Variants in ZNF814 observed in about 807,000 individuals in gnomAD.
ZNF814 encodes the protein zinc finger protein 814.
A neutral mutation model predicts 7.5 loss-of-function variants in ZNF814; 5 were observed. The observed-to-expected ratio is 0.67, with a 90% CI of 0.35 to 1.40. The LOEUF is 1.40. Ranked by LOEUF, ZNF814 falls within the 40% of genes most tolerant of loss-of-function variation. The pLI, the probability that ZNF814 is intolerant of heterozygous loss-of-function variation, is 0.04. For synonymous variants in ZNF814, 315 were observed against 340.7 expected (o/e 0.92, Z 0.83); for missense variants, 962 against 1,018.0 (o/e 0.94, Z 0.75).
chr19:57,878,771 T>TA (rs1394398846), intron 1 of ZNF814, among the ~76,000 whole-genome samples: 4 of 152,074 alleles, frequency 2.6e-5, no homozygotes, highest in Non-Finnish European at 4.4e-5. Context: ...ATATATTACT[T>TA]AAGAGTGTGA....
the ZNF814 span, among the ~76,000 whole-genome samples, chr19:57,894,835 GAAAAAAA>G: frequency 2.5e-5 from 3 of 121,272 alleles, no homozygotes; most frequent in East Asian, 7.3e-4. Flanking sequence ...CTCCGTCTCA[GAAAAAAA>G]AAAAAAAAAT....
Position 57,872,260 on chromosome 19 carries a change from A to G in ZNF814, c.*562T>C, listed in dbSNP as rs942640124. On this transcript the variant is annotated 3_prime_UTR_variant, in exon 3 of 3. Transcript: ENST00000435989. ...GAAAAAGAAATAACATTCCATATACATCTATGGTGTTTTTCTCATGTCAAT... is the reference window on the plus strand; with the variant it reads ...GAAAAAGAAATAACATTCCATATACGTCTATGGTGTTTTTCTCATGTCAAT... Among the ~76,000 whole-genome samples, 2 of 152,188 alleles carry G rather than the reference A, an allele frequency of 1.3e-5. No homozygotes were observed.
intron 1 of ZNF814, among the ~76,000 whole-genome samples, chr19:57,884,671 G>A (rs1165918240): frequency 6.6e-6 from 1 of 152,092 alleles, no homozygotes; most frequent in African/African-American, 2.4e-5. Flanking sequence ...TATAGGAAAA[G>A]GTGCTCAACA....
chr19:57,892,718 G>A (rs925493061), upstream of ZNF814, among the ~76,000 whole-genome samples: 2 of 152,220 alleles, frequency 1.3e-5, no homozygotes, highest in East Asian at 3.9e-4. Flanking sequence ...GCAGCCACCT[G>A]AACTTTTCAG....
chr19:57,900,882 C>T, the ZNF814 span, among the ~76,000 whole-genome samples: 1 of 57,964 alleles, frequency 1.7e-5, no homozygotes, highest in Admixed American at 3.0e-4. Context: ...GAGTCTTGCT[C>T]TGTCGCCCAG....
chr19:57,873,318 C>G lies in ZNF814; in HGVS notation c.2072G>C (p.Arg691Thr). Residue 691 changes from arginine (R) to threonine (T), a missense_variant, in exon 3 of 3, where the codon AGG becomes ACG. Physicochemically the swap from Arg to Thr is moderately conservative, Grantham distance 71. Around this residue, in one of 7 missense-constraint regions of ZNF814, gnomAD observed 665 missense variants for 551.4 expected, o/e 1.21. Transcript: ENST00000435989. The stretch of plus-strand genomic sequence containing the variant: ...CTTCTTAAATAATTTTCCACATTCC[C>G]TACATACATAAGGTCTTTCTCCAGT... ...GHTGERPYVC[R>T]ECGKLFKKKS... 1 of 1,589,150 alleles carries G rather than the reference C, an allele frequency of 6.3e-7. No individual in the cohort carries two copies. The highest frequency in any genetic ancestry group is 8.6e-7 in the Non-Finnish European group (1 of 1,167,162).
rs142566977 is a variant in ZNF814, at chr19:57,876,947, C to T, written c.132G>A (p.Thr44=). ...AGGATATAAGTGCCAGGTTCTCCAG[C>T]GTCACATCACGGTACAGGCATCTCT... ...EAQRCLYRDV[T]LENLALISSL... is the part of the protein sequence containing the mutation. The change falls in exon 2 of 3, where the codon ACG becomes ACA. Residue 44 remains threonine (T), a synonymous_variant. Coordinates refer to ENST00000435989, the MANE Select transcript of ZNF814 (RefSeq NM_001144989.2). 8 of 1,614,120 alleles carry T rather than the reference C, an allele frequency of 5.0e-6. No individual in the cohort carries two copies. The highest frequency in any genetic ancestry group is 2.2e-5 in the East Asian group (1 of 44,872).
In ZNF814 at chr19:57,872,781, G is replaced by C; in HGVS notation, c.*41C>G. 2 of 1,606,708 alleles carry C rather than the reference G, an allele frequency of 1.2e-6. No individual in the cohort carries two copies. Among genetic ancestry groups the C allele is most frequent in the Non-Finnish European group, 1.7e-6 (2 of 1,176,116 alleles). ...GTGTGAACTCTCTGGTGTGCAATGAGGTGGTCCTTCTTGCTAAAAACTTTC... is the reference window on the plus strand; with the variant it reads ...GTGTGAACTCTCTGGTGTGCAATGACGTGGTCCTTCTTGCTAAAAACTTTC... On this transcript the variant is annotated 3_prime_UTR_variant, in exon 3 of 3. Transcript: ENST00000435989.
rs764969532 is a variant in ZNF814 at position 57,873,715 on chromosome 19, G to A, written c.1675C>T (p.His559Tyr). ...TGATGTAGAATGAGGGTGCCTTTAT[G>A]ACTAAAAGATTTCCCACACTCTCCA... ...ECGECGKSFS[H>Y]KGTLILHQRV... is the part of the protein sequence containing the mutation. Residue 559 changes from histidine (H) to tyrosine (Y), a missense_variant, in exon 3 of 3, where the codon CAT becomes TAT. His to Tyr is a moderately conservative substitution (Grantham distance 83). Coordinates refer to ENST00000435989, the MANE Select transcript of ZNF814 (RefSeq NM_001144989.2). The A allele has an allele frequency of 6.2e-7, 1 of 1,612,982 alleles. No homozygotes were observed. The highest frequency in any genetic ancestry group is 1.3e-5 in the African/African-American group (1 of 74,730).
intron 2 of ZNF814, among the ~76,000 whole-genome samples, chr19:57,876,028 T>C (rs1174658577): frequency 7.5e-6 from 1 of 133,798 alleles, no homozygotes; most frequent in African/African-American, 2.8e-5. Context: ...TGGTGCGATC[T>C]GGGCTCACCG....
In ZNF814 at chr19:57,873,554, A is replaced by C; in HGVS notation, c.1836T>G (p.Ser612=). The change falls in exon 3 of 3, where the codon TCT becomes TCG. Residue 612 remains serine (S), a synonymous_variant. Coordinates refer to ENST00000435989, the MANE Select transcript of ZNF814 (RefSeq NM_001144989.2). ...RPYECGECGK[S]FSHKRSLVHH... ...GAACAAGGCTGCGCTTATGACTAAA[A>C]GATTTCCCACATTCTCCACACTCAT... is the stretch of plus-strand genomic sequence containing the variant. 1 of 1,613,960 alleles carries C rather than the reference A, an allele frequency of 6.2e-7. No homozygotes were observed.
At chr19:57,899,522 TAGG>T in the ZNF814 span, among the ~76,000 whole-genome samples, 2 of 152,230 alleles carry the variant, frequency 1.3e-5, no homozygotes, top group East Asian at 1.9e-4. Context: ...CAAAAATTAT[TAGG>T]AGACATTAAT....
At chr19:57,897,183 T>A in the ZNF814 span, among the ~76,000 whole-genome samples, 1 of 152,260 alleles carries the variant, frequency 6.6e-6, no homozygotes, top group Admixed American at 6.5e-5. Flanking sequence ...TTCTTACATA[T>A]GAAAATGCTA....
intron 1 of ZNF814, among the ~76,000 whole-genome samples, chr19:57,884,680 C>A (rs1425944376): frequency 6.6e-6 from 1 of 152,132 alleles, no homozygotes; most frequent in East Asian, 1.9e-4. Flanking sequence ...AGGTGCTCAA[C>A]ATCACTGGTC....
chr19:57,901,050 G>GTTTTAGCCGGGA, the ZNF814 span, among the ~76,000 whole-genome samples: 151 of 150,968 alleles, frequency 1.0e-3, no homozygotes, highest in African/African-American at 3.6e-3. Context: ...GGGTTTCACC[G>GTTTTAGCCGGGA]TGGTCTTGAT....
At chr19:57,901,788 G>C in the ZNF814 span, 1 of 398,520 alleles carries the variant, frequency 2.5e-6, no homozygotes, top group Admixed American at 4.4e-5. Flanking sequence ...TACTGTGGCG[G>C]TAAGCCTCCC....
chr19:57,897,186 A>AT, the ZNF814 span, among the ~76,000 whole-genome samples: 1 of 152,180 alleles, frequency 6.6e-6, no homozygotes, highest in Non-Finnish European at 1.5e-5. Flanking sequence ...TTACATATGA[A>AT]AATGCTAATA....
the ZNF814 span, among the ~76,000 whole-genome samples, chr19:57,899,383 A>C: frequency 1.2e-4 from 19 of 152,244 alleles, no homozygotes; most frequent in African/African-American, 3.9e-4. Flanking sequence ...TGCAGGACTA[A>C]TCATAGCCCC....
At position 57,873,956 on chromosome 19, in the gene ZNF814, G is replaced by T. The variant is rs1348435505; in HGVS notation, c.1434C>A (p.Ser478Arg). 9 of 1,613,914 alleles carry T rather than the reference G, an allele frequency of 5.6e-6. 1 individual carries two copies. In the South Asian group the frequency reaches 8.8e-5, roughly 16 times the overall value. The change falls in exon 3 of 3, where the codon AGC becomes AGA. Residue 478 changes from serine to arginine, a missense_variant. Ser to Arg is a moderately radical substitution (Grantham distance 110). This residue lies in a region of ZNF814 where 665 missense variants were observed against 551.4 expected (regional missense o/e 1.21). Transcript: ENST00000435989. ...ECVKSFSHKR[S>R]LVHHQRVHSG... is the part of the protein sequence containing the mutation. ...TGTGAACTCGCTGATGGTGAACAAGGCTGCGCTTATGACTGAAAGATTTCA... is the reference window on the plus strand; with the variant it reads ...TGTGAACTCGCTGATGGTGAACAAGTCTGCGCTTATGACTGAAAGATTTCA...
Sources: gnomAD v4.1 joint callset for allele counts (sites outside exome capture counted in the v4.1 genomes callset) on GRCh38, gnomAD v4.1.1 for gene constraint, gnomAD v4.1.1 regional missense constraint, MANE v1.5 for transcripts, NCBI Gene and HGNC (gene_info 2026-07-23, HGNC 2026-07-21) for gene names.